Variants in TENM2 observed in about 807,000 individuals in gnomAD.
TENM2 encodes the protein teneurin-2.
TENM2 carries 52 observed loss-of-function variants against 245.2 expected under a neutral mutation model. The ratio of observed to expected loss-of-function variants is 0.21; its 90% CI spans 0.17 to 0.27. The LOEUF is 0.27. Among genes scored for constraint, TENM2 ranks in the 10% least tolerant of loss-of-function variants. TENM2 has a pLI of 1.00. For missense variants in TENM2, 3,046 were observed against 3,666.8 expected (o/e 0.83, Z 4.37); for synonymous variants, 1,363 against 1,438.9 (o/e 0.95, Z 1.19).
At chr5:167,595,759 A>G (rs551893220) in intron 2 of TENM2, among the ~76,000 whole-genome samples, 27 of 152,356 alleles carry the variant, frequency 1.8e-4, no homozygotes, top group African/African-American at 6.3e-4. Flanking sequence ...TAGGGTTGGT[A>G]AGAGTATTTG....
intron 2 of TENM2, among the ~76,000 whole-genome samples, chr5:167,801,905 GACACACACACACACACAC>G (rs10643504): frequency 1.6e-4 from 24 of 149,378 alleles, no homozygotes; most frequent in African/African-American, 5.9e-4. Flanking sequence ...CACACACACA[GACACACACACACACACAC>G]ACACACAGGG....
chr5:167,387,685 A>G (rs1761521243), intron 2 of TENM2, among the ~76,000 whole-genome samples: 1 of 152,076 alleles, frequency 6.6e-6, no homozygotes, highest in Admixed American at 6.6e-5. Context: ...ATTTTGAGGT[A>G]TGTCCCTTGT....
chr5:167,650,331 G>A (rs898286842), intron 2 of TENM2, among the ~76,000 whole-genome samples: 3 of 152,074 alleles, frequency 2.0e-5, no homozygotes, highest in South Asian at 4.1e-4. Flanking sequence ...ATGGGGTGTC[G>A]GTTCTTATAA....
chr5:168,032,825 G>A (rs1276515794), intron 5 of TENM2, among the ~76,000 whole-genome samples: 3 of 152,114 alleles, frequency 2.0e-5, no homozygotes, highest in Admixed American at 6.5e-5. Context: ...AATAATGGTG[G>A]ATCTTTAGAA....
the TENM2 span, among the ~76,000 whole-genome samples, chr5:167,200,105 G>A: frequency 2.6e-5 from 4 of 152,066 alleles, no homozygotes; most frequent in East Asian, 7.7e-4. Context: ...ATGATTGAAT[G>A]TCCTCGCTGA....
chr5:167,873,757 C>T (rs1773179683), intron 2 of TENM2, among the ~76,000 whole-genome samples: 2 of 152,082 alleles, frequency 1.3e-5, no homozygotes, highest in South Asian at 4.1e-4. Context: ...TGATCAAACT[C>T]CATCGTGTTC....
intron 7 of TENM2, among the ~76,000 whole-genome samples, chr5:168,073,568 C>G (rs973219295): frequency 6.6e-6 from 1 of 152,170 alleles, no homozygotes; most frequent in Non-Finnish European, 1.5e-5. Context: ...GGGGGCAGCC[C>G]CTCTGGAAGT....
At chr5:167,860,461 G>T (rs1771677982) in intron 2 of TENM2, among the ~76,000 whole-genome samples, 1 of 124,768 alleles carries the variant, frequency 8.0e-6, no homozygotes, top group African/African-American at 3.5e-5. Context: ...CCGTCCGGGA[G>T]GTGAGGGGCG....
At chr5:167,727,065 A>G (rs1212859356) in intron 2 of TENM2, among the ~76,000 whole-genome samples, 1 of 151,770 alleles carries the variant, frequency 6.6e-6, no homozygotes, top group Non-Finnish European at 1.5e-5. Flanking sequence ...ACTCTACTCA[A>G]ACTACAGCTT....
the TENM2 span, among the ~76,000 whole-genome samples, chr5:167,264,082 G>A: frequency 6.7e-6 from 1 of 149,026 alleles, no homozygotes; most frequent in Non-Finnish European, 1.5e-5. Flanking sequence ...TCTAGCCTGG[G>A]CAATAATAAC....
chr5:168,104,765 G>A (rs1258839156), intron 9 of TENM2, among the ~76,000 whole-genome samples: 1 of 152,024 alleles, frequency 6.6e-6, no homozygotes, highest in Non-Finnish European at 1.5e-5. Flanking sequence ...ACAATCTCGG[G>A]GGCCCTGAGA....
chr5:167,321,511 C>G (rs868816571), intron 1 of TENM2, among the ~76,000 whole-genome samples: 20 of 151,984 alleles, frequency 1.3e-4, no homozygotes, highest in African/African-American at 4.3e-4. Context: ...ACTTTTTTGC[C>G]ATGAATTTGT....
At chr5:167,040,869 G>A in the TENM2 span, among the ~76,000 whole-genome samples, 1 of 152,092 alleles carries the variant, frequency 6.6e-6, no homozygotes, top group Non-Finnish European at 1.5e-5. Flanking sequence ...CTATACTCCT[G>A]CAGTTTTATG....
chr5:168,112,301 G>A (rs931268718), intron 9 of TENM2, among the ~76,000 whole-genome samples: 1 of 151,964 alleles, frequency 6.6e-6, no homozygotes, highest in Non-Finnish European at 1.5e-5. Flanking sequence ...GGGGGTTGTT[G>A]TACAGATTAT....
At chr5:167,302,935 G>A (rs1165157600) in intron 1 of TENM2, among the ~76,000 whole-genome samples, 2 of 152,116 alleles carry the variant, frequency 1.3e-5, no homozygotes, top group African/African-American at 2.4e-5. Flanking sequence ...CTGCCTTCCC[G>A]AGTCCGTGAG....
intron 12 of TENM2, 111 bp from the exon 15 acceptor site, chr5:168,162,500 G>A (rs76764770): frequency 0.11 from 132,978 of 1,207,502 alleles, 7,950 homozygotes; most frequent in South Asian, 0.15. Context: ...GCCCCACTGT[G>A]AGGCTGGCCC....
chr5:167,363,540 G>T (rs1198206001), intron 1 of TENM2, among the ~76,000 whole-genome samples: 1 of 152,026 alleles, frequency 6.6e-6, no homozygotes, highest in East Asian at 1.9e-4. Context: ...GACCATCCTG[G>T]TTAACACGGT....
chr5:167,483,606 T>A (rs1767893679), intron 2 of TENM2, among the ~76,000 whole-genome samples: 1 of 152,214 alleles, frequency 6.6e-6, no homozygotes, highest in Non-Finnish European at 1.5e-5. Flanking sequence ...ACTATTAGTT[T>A]TTAGTCAAAT....
chr5:167,744,876 A>G (rs1319593554), intron 2 of TENM2, among the ~76,000 whole-genome samples: 5 of 152,210 alleles, frequency 3.3e-5, no homozygotes, highest in Admixed American at 6.6e-5. Context: ...GTATCCTCCT[A>G]GGACCTAGGA....
Sources: allele counts gnomAD v4.1 joint callset (sites outside exome capture counted in the v4.1 genomes callset), GRCh38; gene constraint gnomAD v4.1.1; transcripts MANE v1.5; gene names NCBI Gene and HGNC (gene_info 2026-07-23, HGNC 2026-07-21).